Variants in TPST1 observed in about 807,000 individuals in gnomAD.
The protein encoded by TPST1 is protein-tyrosine sulfotransferase 1.
In TPST1, 20 loss-of-function variants were observed where a neutral mutation model predicts 34.8. The ratio of observed to expected loss-of-function variants is 0.57; its 90% CI spans 0.40 to 0.84. TPST1 has a LOEUF of 0.84. Among genes scored for constraint, TPST1 ranks in the 40% least tolerant of loss-of-function variants. The pLI is 0.00. For synonymous variants in TPST1, 152 were observed against 159.4 expected, an observed-to-expected ratio of 0.95 and a Z score of 0.35; for missense variants, 353 against 455.5, an observed-to-expected ratio of 0.78 and a Z score of 2.05.
intron 3 of TPST1, among the ~76,000 whole-genome samples, chr7:66,316,840 C>T (rs914429622): frequency 2.6e-5 from 4 of 152,276 alleles, no homozygotes; most frequent in Admixed American, 6.5e-5. Context: ...CCAGATACCA[C>T]GTGTTCTCAC....
At chr7:66,334,167 A>G (rs1792047550) in intron 3 of TPST1, among the ~76,000 whole-genome samples, 1 of 152,204 alleles carries the variant, frequency 6.6e-6, no homozygotes, top group Non-Finnish European at 1.5e-5. Flanking sequence ...GTGTAGGAAC[A>G]GTTAGACTTC....
At chr7:66,225,471 G>A (rs534069296) in intron 1 of TPST1, among the ~76,000 whole-genome samples, 1 of 152,102 alleles carries the variant, frequency 6.6e-6, no homozygotes, top group South Asian at 2.1e-4. Flanking sequence ...AATCAGCTGG[G>A]CGTGGCGGCA....
chr7:66,214,581 T>C (rs4718324), intron 1 of TPST1, among the ~76,000 whole-genome samples: 100,222 of 150,882 alleles, frequency 0.66, 33,699 homozygotes, highest in African/African-American at 0.76. Flanking sequence ...TTTGGGAGGC[T>C]AAGGCAGGCA....
At chr7:66,337,639 G>A (rs574710567) in intron 3 of TPST1, among the ~76,000 whole-genome samples, 4 of 152,114 alleles carry the variant, frequency 2.6e-5, no homozygotes, top group East Asian at 1.9e-4. Context: ...TAACTACAAC[G>A]GTTATTTAGG....
chr7:66,324,892 A>C (rs760499497), intron 3 of TPST1, among the ~76,000 whole-genome samples: 6 of 152,010 alleles, frequency 3.9e-5, no homozygotes, highest in Admixed American at 2.6e-4. Flanking sequence ...GGCAAAAAAA[A>C]CAAGATTAAA....
At chr7:66,206,148 A>C (rs1789125769) in intron 1 of TPST1, among the ~76,000 whole-genome samples, 1 of 128,418 alleles carries the variant, frequency 7.8e-6, no homozygotes, top group Non-Finnish European at 1.6e-5. Context: ...TTTTTGAGAG[A>C]TGGAGTCTCT....
At chr7:66,356,783 C>T (rs1437945901) in intron 4 of TPST1, 42 bp from the exon 5 acceptor site, 1 of 1,613,900 alleles carries the variant, frequency 6.2e-7, no homozygotes, top group Admixed American at 1.7e-5. Flanking sequence ...TCATGCTGAC[C>T]AACTTCAAGG....
At chr7:66,269,994 CAG>C (rs899404372) in intron 2 of TPST1, among the ~76,000 whole-genome samples, 23 of 151,932 alleles carry the variant, frequency 1.5e-4, no homozygotes, top group African/African-American at 4.6e-4. Flanking sequence ...AAAGGAAAAA[CAG>C]AGGAAAGTAA....
At chr7:66,352,700 GA>G (rs998988761) in intron 4 of TPST1, 145 bp downstream of exon 4, 1 of 1,485,164 alleles carries the variant, frequency 6.7e-7, no homozygotes, top group African/African-American at 1.5e-5. Context: ...ATGTGCTGGG[GA>G]AGAAAGATCA....
intron 1 of TPST1, among the ~76,000 whole-genome samples, chr7:66,215,578 G>A (rs1367271662): frequency 6.6e-6 from 1 of 151,618 alleles, no homozygotes; most frequent in Non-Finnish European, 1.5e-5. Flanking sequence ...GTTTCACCAT[G>A]TTAGCCAGGA....
At chr7:66,233,451 A>G (rs889249729) in intron 1 of TPST1, among the ~76,000 whole-genome samples, 8 of 152,298 alleles carry the variant, frequency 5.3e-5, no homozygotes, top group African/African-American at 1.7e-4. Context: ...CCATTTGCTG[A>G]GAAGACTCTT....
At chr7:66,203,001 G>A (rs543809063), upstream of TPST1, among the ~76,000 whole-genome samples, 6 of 152,176 alleles carry the variant, frequency 3.9e-5, no homozygotes, top group Admixed American at 2.0e-4. Context: ...ACTTGAACTC[G>A]GGAGGCGGAG....
At chr7:66,297,511 A>T (rs1418960260) in intron 3 of TPST1, among the ~76,000 whole-genome samples, 1 of 152,310 alleles carries the variant, frequency 6.6e-6, no homozygotes, top group East Asian at 1.9e-4. Flanking sequence ...CAAACCCCAA[A>T]ACAATTCAAG....
At chr7:66,320,861 G>T (rs1289312781) in intron 3 of TPST1, among the ~76,000 whole-genome samples, 1 of 152,160 alleles carries the variant, frequency 6.6e-6, no homozygotes, top group African/African-American at 2.4e-5. Flanking sequence ...GCCTCCCAAA[G>T]TGCTGGGATT....
intron 2 of TPST1, among the ~76,000 whole-genome samples, chr7:66,266,244 G>A (rs1488740481): frequency 2.6e-5 from 4 of 150,958 alleles, no homozygotes; most frequent in Non-Finnish European, 4.4e-5. Flanking sequence ...GAGTAAATTA[G>A]CAAGGTGAGA....
At position 66,348,621 on chromosome 7, in the gene TPST1, A is replaced by G. The variant is rs188059281; in HGVS notation, c.1045-3884A>G. The stretch of plus-strand genomic sequence containing the variant: ...TCATTGCTGTCAAGCAGAATCCTCC[A>G]TCTTTTAGTGCCTGAAAATATTCAG... On this transcript the variant is annotated intron_variant, in intron 3 of 5. Transcript: ENST00000304842. 2.1e-3 allele frequency among the ~76,000 whole-genome samples: 319 copies of G among 152,338 alleles called. 1 individual carries two copies. The highest frequency in any genetic ancestry group is 3.4e-3 in the Non-Finnish European group (234 of 68,024).
At chr7:66,280,065 G>A (rs1368718112) in intron 2 of TPST1, among the ~76,000 whole-genome samples, 1 of 152,198 alleles carries the variant, frequency 6.6e-6, no homozygotes, top group Non-Finnish European at 1.5e-5. Flanking sequence ...GGGGTGTGGT[G>A]GCCCACAGTC....
upstream of TPST1, among the ~76,000 whole-genome samples, chr7:66,204,523 G>C (rs1341215933): frequency 1.3e-5 from 2 of 152,218 alleles, no homozygotes; most frequent in Non-Finnish European, 2.9e-5. Context: ...GCCTAGCAGA[G>C]AGCAATTTTG....
intron 3 of TPST1, among the ~76,000 whole-genome samples, chr7:66,339,917 C>A (rs1475982492): frequency 3.4e-5 from 5 of 147,842 alleles, no homozygotes; most frequent in Non-Finnish European, 5.9e-5. Flanking sequence ...AATCAATAAA[C>A]ATAGTACATT....
Sources: gnomAD v4.1 joint callset for allele counts (sites outside exome capture counted in the v4.1 genomes callset) on GRCh38, gnomAD v4.1.1 for gene constraint, MANE v1.5 for transcripts, NCBI Gene and HGNC (gene_info 2026-07-23, HGNC 2026-07-21) for gene names.